The following CHRM2 variants were observed in gnomAD, a reference collection of about 807,000 sequenced individuals.
CHRM2 encodes muscarinic acetylcholine receptor M2.
Under a neutral mutation model 25.0 loss-of-function variants are expected in CHRM2, and 8 were observed. The observed-to-expected ratio is 0.32, with a 90% CI of 0.19 to 0.58. The LOEUF is 0.58. Among genes scored for constraint, CHRM2 ranks in the 20% least tolerant of loss-of-function variants. The pLI is 0.88. For synonymous variants in CHRM2, 202 were observed against 205.7 expected (o/e 0.98, Z 0.15); for missense variants, 440 against 567.1 (o/e 0.78, Z 2.28).
chr7:137,014,670 A>T, intron 3 of CHRM2, 150 bp from the exon 4 acceptor site: 1 of 625,258 alleles, frequency 1.6e-6, no homozygotes, highest in East Asian at 2.8e-5. Context: ...CTTGCTTTTT[A>T]CATGGGGAAT....
intron 2 of CHRM2, among the ~76,000 whole-genome samples, chr7:136,913,302 A>G (rs967078150): frequency 1.3e-5 from 2 of 151,978 alleles, no homozygotes; most frequent in East Asian, 1.9e-4. Flanking sequence ...TAGCCTATCT[A>G]TTATTCAAGG....
intron 2 of CHRM2, among the ~76,000 whole-genome samples, chr7:136,990,022 C>T (rs150759085): frequency 6.6e-6 from 1 of 152,198 alleles, no homozygotes; most frequent in African/African-American, 2.4e-5. Flanking sequence ...GTTACATTTA[C>T]TCAGATTATT....
intron 2 of CHRM2, among the ~76,000 whole-genome samples, chr7:136,939,733 A>G (rs1799653696): frequency 6.6e-6 from 1 of 152,228 alleles, no homozygotes; most frequent in Non-Finnish European, 1.5e-5. Context: ...AAAAGTCACA[A>G]AGCTAATAGA....
intron 2 of CHRM2, among the ~76,000 whole-genome samples, chr7:136,958,024 T>C (rs916493238): frequency 2.0e-5 from 3 of 152,254 alleles, no homozygotes; most frequent in Non-Finnish European, 4.4e-5. Context: ...CTTGATATTA[T>C]GTAATCTATT....
Position 136,938,250 on chromosome 7 carries a change from T to C in CHRM2, c.-124-53937T>C. On this transcript the variant is annotated intron_variant, in intron 2 of 3. Transcript: ENST00000680005. ...GTTACTGAATCTTTAGCTAATGGCT[T>C]CAGAAACTTTTAAAAGAAGAGTGCT... is the stretch of plus-strand genomic sequence containing the variant. The C allele has an allele frequency of 3.6e-6, 3 of 826,204 alleles. No individual in the cohort carries two copies. The South Asian group carries it at 4.0e-5, about 11-fold the overall frequency. The allele number at this position is 826,204 out of a possible 1,614,324, so 51.2% of individuals were successfully genotyped here.
intron 2 of CHRM2, among the ~76,000 whole-genome samples, chr7:136,886,549 T>C (rs1796472445): frequency 6.6e-6 from 1 of 152,202 alleles, no homozygotes; most frequent in African/African-American, 2.4e-5. Context: ...TTTAGGAAAC[T>C]TGATTTTATG....
intron 3 of CHRM2, among the ~76,000 whole-genome samples, chr7:137,002,656 C>T (rs420817): frequency 0.46 from 69,511 of 151,630 alleles, 16,681 homozygotes; most frequent in Middle Eastern, 0.53. Flanking sequence ...CAGGATACCA[C>T]AGAATGACAG....
intron 2 of CHRM2, among the ~76,000 whole-genome samples, chr7:136,939,648 A>C (rs867301662): frequency 6.6e-6 from 1 of 152,238 alleles, no homozygotes; most frequent in Non-Finnish European, 1.5e-5. Context: ...AAAAATAATT[A>C]AAATAAGTAT....
chr7:136,988,573 C>A (rs983016048), intron 2 of CHRM2, among the ~76,000 whole-genome samples: 1 of 152,126 alleles, frequency 6.6e-6, no homozygotes, highest in Non-Finnish European at 1.5e-5. Context: ...CAGCTCTGCA[C>A]TGGGATCCAA....
Position 136,961,494 on chromosome 7 carries a change from C to A in CHRM2, c.-124-30693C>A, listed in dbSNP as rs149151616. Among the ~76,000 whole-genome samples the A allele has an allele frequency of 9.5e-3, 1,439 of 152,222 alleles. 24 individuals are homozygous for A. Among genetic ancestry groups the A allele is most frequent in the African/African-American group, 0.032 (1,325 of 41,530 alleles). On this transcript the variant is annotated intron_variant, in intron 2 of 3. Transcript: ENST00000680005. ...GAGGCATACTCAACCAATTTTCTCC[C>A]ACTAAAAATATGTTTAATTATTTTT...
intron 3 of CHRM2, among the ~76,000 whole-genome samples, chr7:137,012,175 T>A (rs6963577): frequency 0.26 from 38,822 of 151,968 alleles, 5,916 homozygotes; most frequent in Middle Eastern, 0.35. Flanking sequence ...CAGATACACA[T>A]ATAGCTCAAC....
At chr7:136,992,574 C>A (rs183063672) in intron 3 of CHRM2, among the ~76,000 whole-genome samples, 2 of 152,110 alleles carry the variant, frequency 1.3e-5, no homozygotes, top group Non-Finnish European at 2.9e-5. Flanking sequence ...TGACTTAATA[C>A]ATCAAAATTT....
At chr7:136,972,739 G>A (rs1441276571) in intron 2 of CHRM2, among the ~76,000 whole-genome samples, 4 of 144,724 alleles carry the variant, frequency 2.8e-5, no homozygotes, top group Admixed American at 1.4e-4. Context: ...TGATGGTGAC[G>A]GTGTTAGGGA....
At position 136,955,663 on chromosome 7, in the gene CHRM2, G is replaced by A. The variant is rs537163425; in HGVS notation, c.-124-36524G>A. ...CTTCCAAGCAGTTGGAGTATACTAG[G>A]ACGTATGGTCATTGGTCTAGGCAGT... On this transcript the variant is annotated intron_variant, in intron 2 of 3. Coordinates refer to ENST00000680005, the MANE Select transcript of CHRM2 (RefSeq NM_001006630.2). Among the ~76,000 whole-genome samples the A allele has an allele frequency of 1.3e-4, 20 of 152,262 alleles. No individual in the cohort carries two copies. The South Asian group carries it at 2.3e-3, about 17-fold the overall frequency.
intron 2 of CHRM2, among the ~76,000 whole-genome samples, chr7:136,923,332 GACC>G (rs1798558622): frequency 6.7e-6 from 1 of 148,736 alleles, no homozygotes; most frequent in Non-Finnish European, 1.5e-5. Flanking sequence ...GTGTTCTGGT[GACC>G]ACAATAGTCA....
chr7:137,006,937 C>A (rs1242251642), intron 3 of CHRM2, among the ~76,000 whole-genome samples: 1 of 152,012 alleles, frequency 6.6e-6, no homozygotes, highest in African/African-American at 2.4e-5. Flanking sequence ...TGCTTTTGAA[C>A]CTACAGGTTG....
rs140867102 is a variant in CHRM2 at position 137,000,063 on chromosome 7, C to T, written c.-47+7799C>T. 6.6e-5 allele frequency among the ~76,000 whole-genome samples: 10 copies of T among 152,118 alleles called. No individual in the cohort carries two copies. In the East Asian group the frequency reaches 1.6e-3, roughly 24 times the overall value. ...ACCTATTGCACAGATGACAATTTTA[C>T]AAACTGTAAAGGTAATTATTTTTCT... On this transcript the variant is annotated intron_variant, in intron 3 of 3. Transcript: ENST00000680005.
chr7:136,883,304 G>A (rs1278369517), intron 2 of CHRM2, among the ~76,000 whole-genome samples: 1 of 152,150 alleles, frequency 6.6e-6, no homozygotes, highest in Admixed American at 6.5e-5. Flanking sequence ...GTTTCAGGCA[G>A]TACAAAGTAG....
At chr7:136,987,437 A>T (rs951673322) in intron 2 of CHRM2, among the ~76,000 whole-genome samples, 4 of 152,238 alleles carry the variant, frequency 2.6e-5, no homozygotes, top group African/African-American at 9.6e-5. Flanking sequence ...CATTAAAATC[A>T]GAGGTCAAAA....
Sources: allele counts gnomAD v4.1 joint callset (sites outside exome capture counted in the v4.1 genomes callset), GRCh38; gene constraint gnomAD v4.1.1; transcripts MANE v1.5; gene names NCBI Gene and HGNC (gene_info 2026-07-23, HGNC 2026-07-21).